PPFIA1: variants seen among roughly 807,000 people sequenced by gnomAD.
The protein encoded by PPFIA1 is liprin-alpha-1.
In PPFIA1, 25 loss-of-function variants were observed where a neutral mutation model predicts 149.9. That is an observed-to-expected ratio of 0.17 (90% CI 0.12 to 0.23). PPFIA1 has a LOEUF of 0.23. Among genes scored for constraint, PPFIA1 ranks in the 10% least tolerant of loss-of-function variants. PPFIA1 has a pLI of 1.00. For missense variants in PPFIA1, 1,362 were observed against 1,506.5 expected (o/e 0.90, Z 1.59); for synonymous variants, 549 against 552.8 (o/e 0.99, Z 0.10).
At chr11:70,335,503 T>C in intron 10 of PPFIA1, 60 bp from the exon 11 acceptor site, 1 of 1,588,702 alleles carries the variant, frequency 6.3e-7, no homozygotes, top group Non-Finnish European at 8.6e-7. Context: ...TCCTTGTGCT[T>C]TTAAAATAAT....
intron 2 of PPFIA1, chr11:70,278,824 C>A: frequency 5.5e-6 from 2 of 362,464 alleles, no homozygotes; most frequent in Non-Finnish European, 1.1e-5. Context: ...TTGTGTTTTT[C>A]ACAGAGATAT....
intron 21 of PPFIA1, among the ~76,000 whole-genome samples, chr11:70,368,861 C>G (rs2057088064): frequency 6.6e-6 from 1 of 151,894 alleles, no homozygotes; most frequent in Non-Finnish European, 1.5e-5. Context: ...TGACCTCTTA[C>G]AGTGACTGGG....
intron 4 of PPFIA1, chr11:70,325,264 A>T (rs2054192281): frequency 2.3e-6 from 1 of 437,700 alleles, no homozygotes; most frequent in Non-Finnish European, 3.9e-6. Context: ...CAAAACCTGC[A>T]ATTACTTTTG....
At chr11:70,332,967 A>G (rs1240844590) in intron 9 of PPFIA1, 3 of 449,162 alleles carry the variant, frequency 6.7e-6, no homozygotes, top group Admixed American at 4.7e-5. Flanking sequence ...CTGCTTTTAA[A>G]GTCTCGATTT....
In PPFIA1 at chr11:70,324,933, A is replaced by G. The variant is rs1246034450; in HGVS notation, c.453A>G (p.Pro151=). The G allele has an allele frequency of 6.2e-7, 1 of 1,614,140 alleles. No homozygotes were observed. The highest frequency in any genetic ancestry group is 8.5e-7 in the Non-Finnish European group (1 of 1,180,014). ...MTVVKRQAQS[P]AGVSSEVEVL... is the part of the protein sequence containing the mutation. The stretch of plus-strand genomic sequence containing the variant: ...TGGTGAAGAGACAAGCGCAGTCTCC[A>G]GCAGGCGTGTCCAGCGAAGTGGAAG... Residue 151 remains proline, a synonymous_variant, in exon 4 of 28, where the codon CCA becomes CCG. Coordinates refer to ENST00000253925, the MANE Select transcript of PPFIA1 (RefSeq NM_003626.5).
chr11:70,333,258 C>CTTCA (rs1169757726), intron 9 of PPFIA1, among the ~76,000 whole-genome samples: 4 of 152,200 alleles, frequency 2.6e-5, no homozygotes, highest in Admixed American at 2.0e-4. Context: ...AGCAGCCATG[C>CTTCA]TTCAGAATCA....
chr11:70,279,024 C>T (rs902080459), intron 2 of PPFIA1: 5 of 531,044 alleles, frequency 9.4e-6, no homozygotes, highest in East Asian at 4.3e-5. Flanking sequence ...TTTATCTCCA[C>T]GAATGGCAAG....
Position 70,325,239 on chromosome 11 carries a change from A to G in PPFIA1, c.531+228A>G, listed in dbSNP as rs1591214585. ...AAATTGGGTAGTATTAGGTTGTTGC[A>G]AAAGTAATTGTGGGCAAAACCTGCA... is the stretch of plus-strand genomic sequence containing the variant. On this transcript the variant is annotated intron_variant, in intron 4 of 27. Transcript: ENST00000253925. The G allele has an allele frequency of 1.1e-5, 5 of 444,128 alleles. No homozygotes were observed. The East Asian group carries it at 1.5e-4, about 13-fold the overall frequency. The allele number at this position is 444,128 out of a possible 1,614,324, so 27.5% of individuals were successfully genotyped here. A position where few individuals can be genotyped will look rare whatever the true frequency, so the allele number is the denominator to read the frequency against.
intron 21 of PPFIA1, among the ~76,000 whole-genome samples, chr11:70,369,991 T>C (rs532093056): frequency 5.2e-4 from 79 of 151,882 alleles, no homozygotes; most frequent in Non-Finnish European, 8.2e-4. Flanking sequence ...CTCGCTCTGC[T>C]GCCCAGGCTG....
chr11:70,363,871 G>A (rs547455875), intron 21 of PPFIA1, among the ~76,000 whole-genome samples: 74 of 151,898 alleles, frequency 4.9e-4, no homozygotes, highest in African/African-American at 1.7e-3. Context: ...TTATCCCACC[G>A]TCAAAACTGA....
Position 70,324,430 on chromosome 11 carries a change from A to G in PPFIA1, c.293A>G (p.Asn98Ser), listed in dbSNP as rs139495969. The change falls in exon 3 of 28, where the codon AAT (asparagine) becomes AGT (serine). Residue 98 changes from asparagine (N) to serine (S), a missense_variant. Transcript: ENST00000253925. ...TTCGCAGCACTTACTAAAGAACTCA[A>G]TGTATGCAGGGAACAGCTCCTTGAA... ...QEFAALTKEL[N>S]VCREQLLERE... 1.9e-4 allele frequency: 306 copies of G among 1,613,058 alleles called. 1 individual carries two copies. The African/African-American group carries it at 2.0e-3, about 11-fold the overall frequency.
intron 2 of PPFIA1, among the ~76,000 whole-genome samples, chr11:70,300,614 C>T (rs988381479): frequency 6.6e-6 from 1 of 151,808 alleles, no homozygotes; most frequent in Non-Finnish European, 1.5e-5. Context: ...GGCCCTCTGC[C>T]AGCTCCCCTC....
intron 2 of PPFIA1, among the ~76,000 whole-genome samples, chr11:70,284,952 CAG>C (rs1016703974): frequency 4.6e-5 from 7 of 151,912 alleles, no homozygotes; most frequent in South Asian, 2.1e-4. Context: ...ATCGTGGCCT[CAG>C]GGGAGGGAAT....
At chr11:70,275,163 T>G (rs1283717837) in intron 2 of PPFIA1, among the ~76,000 whole-genome samples, 1 of 152,260 alleles carries the variant, frequency 6.6e-6, no homozygotes, top group East Asian at 1.9e-4. Flanking sequence ...GGTGGCTCAG[T>G]ATGGTCTGAA....
intron 2 of PPFIA1, among the ~76,000 whole-genome samples, chr11:70,289,249 G>T (rs978953783): frequency 5.3e-5 from 8 of 152,044 alleles, no homozygotes; most frequent in African/African-American, 1.7e-4. Flanking sequence ...GGGATTGCAG[G>T]CATGAGCCCC....
intron 16 of PPFIA1, chr11:70,351,077 G>C: frequency 1.0e-6 from 1 of 974,332 alleles, no homozygotes; most frequent in Non-Finnish European, 1.3e-6. Context: ...GTATTGAAGA[G>C]TACCTATCAT....
At chr11:70,381,420 T>C (rs1188107285) in intron 26 of PPFIA1, 1 of 152,254 alleles carries the variant, frequency 6.6e-6, no homozygotes, top group Non-Finnish European at 1.5e-5. Flanking sequence ...ATCTGTGGTC[T>C]CTATGATTAA....
Position 70,290,006 on chromosome 11 carries a change from A to C in PPFIA1, c.264+17570A>C, listed in dbSNP as rs558055321. Among the ~76,000 whole-genome samples the C allele has an allele frequency of 7.2e-5, 11 of 152,314 alleles. No homozygotes were observed. The East Asian group carries it at 2.1e-3, about 29-fold the overall frequency. Reference sequence around the variant, plus strand: ...CACTTCGGGAGGCTGAGGCAGGTGCATCACTTGAGCCCAGGTGTTCAAGAG... The same window carrying C: ...CACTTCGGGAGGCTGAGGCAGGTGCCTCACTTGAGCCCAGGTGTTCAAGAG... On this transcript the variant is annotated intron_variant, in intron 2 of 27. Transcript: ENST00000253925.
At chr11:70,273,526 G>A (rs559725271) in intron 2 of PPFIA1, among the ~76,000 whole-genome samples, 2 of 152,234 alleles carry the variant, frequency 1.3e-5, no homozygotes, top group African/African-American at 2.4e-5. Context: ...AGGTAGACCC[G>A]CATAAGCACA....
Sources: allele counts gnomAD v4.1 joint callset (sites outside exome capture counted in the v4.1 genomes callset), GRCh38; gene constraint gnomAD v4.1.1; transcripts MANE v1.5; gene names NCBI Gene and HGNC (gene_info 2026-07-23, HGNC 2026-07-21).